ERI1: variants seen among roughly 807,000 people sequenced by gnomAD.
ERI1 encodes the protein 3'-5' exoribonuclease 1.
Under a neutral mutation model 39.7 loss-of-function variants are expected in ERI1, and 39 were observed. That is an observed-to-expected ratio of 0.98 (90% CI 0.76 to 1.28). The LOEUF (loss-of-function observed/expected upper bound fraction) is 1.28, where lower values mean the gene tolerates loss of function less well. Ranked by LOEUF, ERI1 falls within the 50% of genes most tolerant of loss-of-function variation. The pLI, the probability that ERI1 is intolerant of heterozygous loss-of-function variation, is 0.00. For synonymous variants in ERI1, 204 were observed against 149.6 expected, an observed-to-expected ratio of 1.36 and a Z score of -2.65; for missense variants, 581 against 416.9, an observed-to-expected ratio of 1.39 and a Z score of -3.43.
rs139539334 is a variant in ERI1, at chr8:9,098,106, G to A, written n.300-18242G>A. 3.0e-3 allele frequency among the ~76,000 whole-genome samples: 453 copies of A among 152,256 alleles called. 1 individual carries two copies. The highest frequency in any genetic ancestry group is 0.011 in the African/African-American group (438 of 41,552). On this transcript the variant is annotated intron_variant and non_coding_transcript_variant, in intron 3 of 3. Coordinates refer to the ERI1 transcript ENST00000518663. ...AGACATGAGAATGATACAGTGGGCC[G>A]GGCACAGTGGCTCACACCTGTAATT...
intron 3 of ERI1, among the ~76,000 whole-genome samples, chr8:9,063,704 G>C (rs1424078361): frequency 6.6e-6 from 1 of 152,180 alleles, no homozygotes; most frequent in Non-Finnish European, 1.5e-5. Context: ...GGGCATCTCA[G>C]ACCATTTGCC....
chr8:9,008,309 G>T (rs1370561430), intron 2 of ERI1, among the ~76,000 whole-genome samples, 161 bp downstream of exon 2: 6 of 152,116 alleles, frequency 3.9e-5, no homozygotes, highest in Non-Finnish European at 7.4e-5. Flanking sequence ...GTGCAACTCT[G>T]ATTATTTTTG....
chr8:9,081,276 C>G (rs1433402986), intron 3 of ERI1, among the ~76,000 whole-genome samples: 3 of 152,114 alleles, frequency 2.0e-5, no homozygotes, highest in Non-Finnish European at 2.9e-5. Context: ...GGACACAGAG[C>G]CAAACAATAT....
chr8:9,052,982 A>G (rs934260545), intron 3 of ERI1, among the ~76,000 whole-genome samples: 1 of 152,182 alleles, frequency 6.6e-6, no homozygotes, highest in East Asian at 1.9e-4. Context: ...ATTGAGTTCA[A>G]TCACTAGTGG....
At chr8:9,033,389 A>G (rs931124410), downstream of ERI1, 3 of 152,212 alleles carry the variant, frequency 2.0e-5, no homozygotes, top group African/African-American at 7.2e-5. Context: ...TTGTGCTACA[A>G]TGGCAGAGTT....
At chr8:9,054,005 T>G (rs900402126) in intron 3 of ERI1, among the ~76,000 whole-genome samples, 1 of 152,160 alleles carries the variant, frequency 6.6e-6, no homozygotes, top group Non-Finnish European at 1.5e-5. Context: ...CAACACCCTG[T>G]GGCATTCAAA....
At chr8:9,086,407 G>A (rs1799527522) in intron 3 of ERI1, among the ~76,000 whole-genome samples, 1 of 152,052 alleles carries the variant, frequency 6.6e-6, no homozygotes, top group African/African-American at 2.4e-5. Flanking sequence ...AAAACTAGAT[G>A]GGTGTGGTGA....
chr8:9,052,950 G>A (rs1455955784), intron 3 of ERI1, among the ~76,000 whole-genome samples: 2 of 152,182 alleles, frequency 1.3e-5, no homozygotes, highest in East Asian at 1.9e-4. Context: ...CTCAACCTCT[G>A]GAGAGAAGAG....
In ERI1 at chr8:9,051,529, C is replaced by T. The variant is rs149523685; in HGVS notation, n.299+31065C>T. On this transcript the variant is annotated intron_variant and non_coding_transcript_variant, in intron 3 of 3. Coordinates refer to the ERI1 transcript ENST00000518663. ...AAAATAAGCAGGGCATGGTAGCATGCACCTGTAGTTCCAGCTACTTGGGAG... is the reference window on the plus strand; with the variant it reads ...AAAATAAGCAGGGCATGGTAGCATGTACCTGTAGTTCCAGCTACTTGGGAG... Among the ~76,000 whole-genome samples the T allele has an allele frequency of 1.6e-3, 242 of 152,068 alleles. 1 individual carries two copies. The highest frequency in any genetic ancestry group is 6.8e-3 in the Middle Eastern group (2 of 294).
At chr8:9,034,430 A>G (rs1051223801), downstream of ERI1, among the ~76,000 whole-genome samples, 1 of 152,214 alleles carries the variant, frequency 6.6e-6, no homozygotes, top group Admixed American at 6.5e-5. Context: ...CATTTTCCCA[A>G]CAGCATACTT....
Position 9,007,935 on chromosome 8 carries a change from C to CTTT in ERI1, c.109-8_109-6dup, listed in dbSNP as rs556702690. The CTTT allele has an allele frequency of 8.8e-5, 85 of 969,230 alleles. 4 individuals are homozygous for CTTT. Among genetic ancestry groups the CTTT allele is most frequent in the South Asian group, 2.4e-4 (14 of 57,610 alleles). 60.0% of individuals were successfully genotyped at this position (969,230 alleles called of 1,614,324 possible). A position where few individuals can be genotyped will look rare whatever the true frequency, so the allele number is the denominator to read the frequency against. ...GTTTGTACTAATTATAAACTACATCCTTTTTTTTTTTTTTTTTTTTTTTTT... is the reference window on the plus strand; with the variant it reads ...GTTTGTACTAATTATAAACTACATCCTTTTTTTTTTTTTTTTTTTTTTTTTTTT... On this transcript the variant is annotated intron_variant, in intron 1 of 6. Transcript: ENST00000250263.
At chr8:9,081,659 C>A (rs899321789) in intron 3 of ERI1, among the ~76,000 whole-genome samples, 2 of 150,396 alleles carry the variant, frequency 1.3e-5, no homozygotes, top group South Asian at 4.2e-4. Context: ...ACTCCCATTT[C>A]TTCCTTTCCT....
chr8:9,078,606 AG>A (rs1351357022), intron 3 of ERI1, among the ~76,000 whole-genome samples: 2 of 152,144 alleles, frequency 1.3e-5, no homozygotes, highest in Admixed American at 1.3e-4. Flanking sequence ...AGATCAAAAG[AG>A]GGTTTTATCC....
intron 3 of ERI1, among the ~76,000 whole-genome samples, chr8:9,082,071 C>T (rs1165497594): frequency 1.3e-5 from 2 of 152,082 alleles, no homozygotes; most frequent in African/African-American, 4.8e-5. Context: ...TGTTTAACCT[C>T]AGAGTAGAAT....
intron 3 of ERI1, among the ~76,000 whole-genome samples, chr8:9,071,450 A>G (rs1799048425): frequency 6.6e-6 from 1 of 152,256 alleles, no homozygotes; most frequent in African/African-American, 2.4e-5. Flanking sequence ...TAGTAATGCC[A>G]GCTCTATGTG....
At chr8:9,023,588 T>G (rs1194938180) in intron 6 of ERI1, among the ~76,000 whole-genome samples, 1 of 152,044 alleles carries the variant, frequency 6.6e-6, no homozygotes, top group Non-Finnish European at 1.5e-5. Flanking sequence ...GCCTGCTCTT[T>G]TTGTGTGTGG....
rs562667706 is a variant in ERI1, at chr8:9,091,987, C to T, written n.300-24361C>T. 2.7e-3 allele frequency among the ~76,000 whole-genome samples: 415 copies of T among 152,276 alleles called. 2 individuals carry two copies. The highest frequency in any genetic ancestry group is 4.3e-3 in the Non-Finnish European group (290 of 68,034). On this transcript the variant is annotated intron_variant and non_coding_transcript_variant, in intron 3 of 3. Coordinates refer to the ERI1 transcript ENST00000518663. ...TTGTTGTTGTTTTGAGACAGGGTCT[C>T]ACTCTGTCACCCAGGCTGGAGTGCA...
intron 5 of ERI1, among the ~76,000 whole-genome samples, chr8:9,019,808 C>A (rs1162498700): frequency 6.6e-6 from 1 of 152,140 alleles, no homozygotes; most frequent in Non-Finnish European, 1.5e-5. Flanking sequence ...ATAATTTCCA[C>A]TGCTATTATT....
intron 6 of ERI1, among the ~76,000 whole-genome samples, chr8:9,029,224 C>T (rs186996524): frequency 1.6e-3 from 248 of 152,002 alleles, no homozygotes; most frequent in Non-Finnish European, 2.9e-3. Context: ...AATACATTCC[C>T]TTTAATAAAT....
Sources: gnomAD v4.1 joint callset for allele counts (sites outside exome capture counted in the v4.1 genomes callset) on GRCh38, gnomAD v4.1.1 for gene constraint, MANE v1.5 for transcripts, NCBI Gene and HGNC (gene_info 2026-07-23, HGNC 2026-07-21) for gene names.